The following GSAP variants were observed in gnomAD, a reference collection of about 807,000 sequenced individuals.
GSAP encodes gamma-secretase-activating protein.
Under a neutral mutation model 131.7 loss-of-function variants are expected in GSAP, and 118 were observed. The ratio of observed to expected loss-of-function variants is 0.90; its 90% confidence interval spans 0.77 to 1.04. The LOEUF is 1.04. Among genes scored for constraint, GSAP ranks in the 50% least tolerant of loss-of-function variants. GSAP has a pLI of 0.00. For synonymous variants in GSAP, 381 were observed against 363.4 expected (o/e 1.05, Z -0.55); for missense variants, 1,019 against 1,013.2 (o/e 1.01, Z -0.08).
At chr7:77,314,570 T>C (rs1794766824) in intron 26 of GSAP, 81 bp from the exon 27 acceptor site, 2 of 1,522,676 alleles carry the variant, frequency 1.3e-6, no homozygotes, top group Non-Finnish European at 9.0e-7. Flanking sequence ...ATCATGTTAA[T>C]AAAGCACTTA....
chr7:77,406,360 T>A (rs1314925096), intron 1 of GSAP, among the ~76,000 whole-genome samples: 1 of 152,240 alleles, frequency 6.6e-6, no homozygotes, highest in Non-Finnish European at 1.5e-5. Flanking sequence ...GTTTTGGGTA[T>A]ACTGATATAC....
intron 21 of GSAP, 66 bp downstream of exon 21, chr7:77,329,267 C>A: frequency 1.1e-6 from 1 of 886,072 alleles, no homozygotes; most frequent in African/African-American, 1.7e-5. Flanking sequence ...AAAAGGTAGC[C>A]AACAAAACAA....
Position 77,311,899 on chromosome 7 carries a change from T to G in GSAP, c.2415A>C (p.Glu805Asp). Reference sequence around the variant, plus strand: ...CAATGAAGTAGTTCAGAGGCAGAAATTCTACACTGAACGATGACTTGTTAA... The same window carrying G: ...CAATGAAGTAGTTCAGAGGCAGAAAGTCTACACTGAACGATGACTTGTTAA... ...SMINKSSFSVEFLPLNYFIEI... is the reference protein window; with the variant it reads ...SMINKSSFSVDFLPLNYFIEI... Residue 805 changes from glutamate to aspartate, a missense_variant, in exon 30 of 31, where the codon GAA (glutamate) becomes GAC (aspartate). Physicochemically the swap from Glu to Asp is conservative, Grantham distance 45. Transcript: ENST00000257626. The G allele has an allele frequency of 1.9e-6, 3 of 1,604,686 alleles. No individual in the cohort carries two copies. Among genetic ancestry groups the G allele is most frequent in the Non-Finnish European group, 2.6e-6 (3 of 1,171,498 alleles).
At chr7:77,323,589 G>C in intron 24 of GSAP, 58 bp downstream of exon 24, 4 of 803,516 alleles carry the variant, frequency 5.0e-6, no homozygotes, top group Non-Finnish European at 8.2e-6. Context: ...CACATTTTCA[G>C]AACTATATGG....
rs140618538 is a variant in GSAP at position 77,314,135 on chromosome 7, T to C, written c.2209+235A>G. ...CCAAAAGATGATTACAGGGAATGGA[T>C]TGTGCTCACAGGACCAGCTGTATAA... is the stretch of plus-strand genomic sequence containing the variant. On this transcript the variant is annotated intron_variant, in intron 27 of 30. Transcript: ENST00000257626. Among the ~76,000 whole-genome samples, 707 of 152,318 alleles carry C rather than the reference T, an allele frequency of 4.6e-3. 5 individuals carry two copies. Among genetic ancestry groups the C allele is most frequent in the Admixed American group, 7.3e-3 (112 of 15,304 alleles).
At chr7:77,311,814 G>T in intron 30 of GSAP, 27 bp downstream of exon 30, 1 of 1,057,164 alleles carries the variant, frequency 9.5e-7, no homozygotes, top group South Asian at 1.3e-5. Context: ...AAAGTGGTAA[G>T]ACCCTGAGAA....
intron 24 of GSAP, among the ~76,000 whole-genome samples, chr7:77,322,086 G>A (rs1187994409): frequency 6.6e-6 from 1 of 152,174 alleles, no homozygotes; most frequent in East Asian, 1.9e-4. Context: ...TATCAGCCAC[G>A]AATCCACACA....
chr7:77,408,709 A>AAG (rs1554439636), intron 1 of GSAP, among the ~76,000 whole-genome samples: 27 of 151,148 alleles, frequency 1.8e-4, no homozygotes, highest in Non-Finnish European at 3.8e-4. Flanking sequence ...AAAAAAAAAA[A>AAG]AAAAGAAAAG....
intron 3 of GSAP, among the ~76,000 whole-genome samples, chr7:77,400,419 A>G (rs1801122025): frequency 6.6e-6 from 1 of 152,030 alleles, no homozygotes; most frequent in Non-Finnish European, 1.5e-5. Context: ...CCTTTCCCCC[A>G]TCCTGCTCCT....
intron 3 of GSAP, among the ~76,000 whole-genome samples, chr7:77,399,592 T>C (rs918631099): frequency 3.3e-5 from 5 of 152,090 alleles, no homozygotes; most frequent in East Asian, 1.9e-4. Flanking sequence ...AGGAAAGCTA[T>C]TGGGACCGTG....
At chr7:77,384,181 A>G (rs181104877) in intron 6 of GSAP, among the ~76,000 whole-genome samples, 31 of 152,332 alleles carry the variant, frequency 2.0e-4, no homozygotes, top group Admixed American at 2.0e-3. Flanking sequence ...ATATGGAGAT[A>G]TCTGCTGCTA....
intron 19 of GSAP, among the ~76,000 whole-genome samples, chr7:77,340,718 T>C (rs1357355843): frequency 1.3e-5 from 2 of 152,174 alleles, no homozygotes; most frequent in African/African-American, 4.8e-5. Context: ...TGCCTGATTA[T>C]TCACCCACAC....
chr7:77,370,497 A>AG (rs1207101638), intron 12 of GSAP, among the ~76,000 whole-genome samples: 1 of 152,108 alleles, frequency 6.6e-6, no homozygotes, highest in Admixed American at 6.6e-5. Context: ...GCAAAGCACC[A>AG]GGGAAGAACC....
At chr7:77,359,964 A>G (rs925869481) in intron 14 of GSAP, among the ~76,000 whole-genome samples, 11 of 152,190 alleles carry the variant, frequency 7.2e-5, no homozygotes, top group African/African-American at 1.9e-4. Context: ...AAATTCAGAG[A>G]TCATGTTAAA....
chr7:77,382,628 T>C lies in GSAP; in HGVS notation c.472A>G (p.Ile158Val). 1 of 1,551,050 alleles carries C rather than the reference T, an allele frequency of 6.4e-7. No homozygotes were observed. The highest frequency in any genetic ancestry group is 1.4e-5 in the African/African-American group (1 of 73,716). Residue 158 changes from isoleucine (I) to valine (V), a missense_variant, in exon 7 of 31, where the codon ATT becomes GTT. Ile to Val is a conservative substitution (Grantham distance 29, BLOSUM62 3). Transcript: ENST00000257626. ...TTCTCTGGAAGAGGATGACTTTCAATATGTGGGTAGAGAAACTGTAAAAAA... is the reference window on the plus strand; with the variant it reads ...TTCTCTGGAAGAGGATGACTTTCAACATGTGGGTAGAGAAACTGTAAAAAA... The part of the protein sequence containing the change: ...YIWVQFLYPH[I>V]ESHPLPENHL...
At chr7:77,398,596 AT>A (rs543172621) in intron 3 of GSAP, among the ~76,000 whole-genome samples, 186 of 152,284 alleles carry the variant, frequency 1.2e-3, no homozygotes, top group South Asian at 5.2e-3. Context: ...ACAAAATCCT[AT>A]CTCTACAAAA....
chr7:77,383,568 C>A (rs1303215663), intron 6 of GSAP, among the ~76,000 whole-genome samples: 1 of 152,178 alleles, frequency 6.6e-6, no homozygotes, highest in Non-Finnish European at 1.5e-5. Flanking sequence ...CTTAAATCCA[C>A]CCCATTCCTC....
At chr7:77,378,416 G>A (rs887386338) in intron 8 of GSAP, among the ~76,000 whole-genome samples, 5 of 151,878 alleles carry the variant, frequency 3.3e-5, no homozygotes, top group African/African-American at 7.3e-5. Flanking sequence ...TCCAACAGGC[G>A]GAGGTTACAG....
intron 27 of GSAP, among the ~76,000 whole-genome samples, 172 bp downstream of exon 27, chr7:77,314,198 C>T (rs991255219): frequency 6.6e-6 from 1 of 152,130 alleles, no homozygotes; most frequent in Non-Finnish European, 1.5e-5. Context: ...CGAGCAAGCC[C>T]TCGTTCAAAT....
Sources: gnomAD v4.1 joint callset for allele counts (sites outside exome capture counted in the v4.1 genomes callset) on GRCh38, gnomAD v4.1.1 for gene constraint, MANE v1.5 for transcripts, NCBI Gene and HGNC (gene_info 2026-07-23, HGNC 2026-07-21) for gene names.